Variants in GPT2 observed in about 807,000 individuals in gnomAD.
GPT2 encodes alanine aminotransferase 2.
Under a neutral mutation model 56.9 loss-of-function variants are expected in GPT2, and 30 were observed. That is an observed-to-expected ratio of 0.53 (90% confidence interval 0.39 to 0.72). The LOEUF (loss-of-function observed/expected upper bound fraction) is 0.72, where lower values mean the gene tolerates loss of function less well. GPT2 is among the 30% of genes least tolerant of loss of function. GPT2 has a pLI of 0.00. For missense variants in GPT2, 542 were observed against 703.4 expected, an observed-to-expected ratio of 0.77 and a Z score of 2.60; for synonymous variants, 271 against 283.1, an observed-to-expected ratio of 0.96 and a Z score of 0.43.
chr16:46,907,108 C>T, intron 5 of GPT2, 133 bp downstream of exon 5: 1 of 1,128,372 alleles, frequency 8.9e-7, no homozygotes, highest in Non-Finnish European at 1.3e-6. Flanking sequence ...GGTCCCCCAG[C>T]CCTGGCAGCC....
intron 9 of GPT2, 153 bp from the exon 10 acceptor site, chr16:46,924,236 C>G (rs767403400): frequency 1.3e-5 from 11 of 822,024 alleles, no homozygotes; most frequent in Non-Finnish European, 1.8e-5. Context: ...CAGAGCAAAT[C>G]TGAGTCAACG....
intron 2 of GPT2, among the ~76,000 whole-genome samples, chr16:46,892,554 C>T (rs992574850): frequency 6.6e-6 from 1 of 152,156 alleles, no homozygotes; most frequent in Non-Finnish European, 1.5e-5. Flanking sequence ...CCACCAGTGG[C>T]GTGCAGGGTT....
chr16:46,907,494 T>A (rs72812443), intron 5 of GPT2, among the ~76,000 whole-genome samples: 7,119 of 152,112 alleles, frequency 0.047, 242 homozygotes, highest in South Asian at 0.15. Flanking sequence ...GAAGGCCGAG[T>A]AGACACCGAC....
Position 46,922,373 on chromosome 16 carries a change from A to G in GPT2, c.1169A>G (p.Asn390Ser). The G allele has an allele frequency of 1.2e-6, 2 of 1,613,338 alleles. No individual in the cohort carries two copies. The highest frequency in any genetic ancestry group is 2.2e-5 in the South Asian group (2 of 91,008). Residue 390 changes from asparagine (N) to serine (S), a missense_variant, in exon 9 of 12, where the codon AAC (asparagine) becomes AGC (serine). Transcript: ENST00000340124. ...SGQAAMDIVVNPPVAGEESFE... is the reference protein window; with the variant it reads ...SGQAAMDIVVSPPVAGEESFE... Reference sequence around the variant, plus strand: ...CAGGCCGCCATGGACATTGTCGTGAACCCCCCGGTGGCAGGAGAGGAGTCC... The same window carrying G: ...CAGGCCGCCATGGACATTGTCGTGAGCCCCCCGGTGGCAGGAGAGGAGTCC...
chr16:46,922,675 G>A (rs1007505203), intron 9 of GPT2, among the ~76,000 whole-genome samples: 5 of 152,132 alleles, frequency 3.3e-5, no homozygotes, highest in African/African-American at 9.7e-5. Context: ...GGCGAGTGTC[G>A]AAGAGGGAAG....
intron 7 of GPT2, among the ~76,000 whole-genome samples, chr16:46,917,639 C>T (rs1468639293): frequency 2.0e-5 from 3 of 152,048 alleles, no homozygotes; most frequent in African/African-American, 7.2e-5. Flanking sequence ...GCCTTCATTT[C>T]TTTGCTCCTT....
chr16:46,906,704 C>A, intron 4 of GPT2, 138 bp from the exon 5 acceptor site: 1 of 1,138,614 alleles, frequency 8.8e-7, no homozygotes, highest in Non-Finnish European at 1.3e-6. Flanking sequence ...CCCACAGTTC[C>A]AAAGCAATGG....
At chr16:46,897,853 C>A in intron 3 of GPT2, 116 bp downstream of exon 3, 1 of 814,660 alleles carries the variant, frequency 1.2e-6, no homozygotes, top group African/African-American at 1.7e-5. Flanking sequence ...CTGATACCCT[C>A]TGGCTGTCTC....
chr16:46,902,992 T>C (rs1960848984), intron 4 of GPT2, among the ~76,000 whole-genome samples: 1 of 152,038 alleles, frequency 6.6e-6, no homozygotes, highest in Non-Finnish European at 1.5e-5. Flanking sequence ...CTCACACCTG[T>C]AATCCCAGTA....
chr16:46,928,857 T>C, intron 11 of GPT2, 50 bp from the exon 12 acceptor site: 1 of 1,402,042 alleles, frequency 7.1e-7, no homozygotes, highest in South Asian at 1.2e-5. Context: ...GATTCGTTCC[T>C]CTCCCATCTT....
chr16:46,887,330 T>C (rs1317821930), intron 2 of GPT2, among the ~76,000 whole-genome samples: 2 of 152,148 alleles, frequency 1.3e-5, no homozygotes, highest in Non-Finnish European at 2.9e-5. Flanking sequence ...TAGCCGGGCA[T>C]GGTGGTACAC....
chr16:46,915,089 T>A (rs1048535712), intron 6 of GPT2, among the ~76,000 whole-genome samples: 3 of 151,862 alleles, frequency 2.0e-5, no homozygotes, highest in Non-Finnish European at 4.4e-5. Flanking sequence ...GGATAATTTT[T>A]ATTGTAGAGT....
rs193053412 is a variant in GPT2 at position 46,889,774 on chromosome 16, G to A, written c.243+4816G>A. The stretch of plus-strand genomic sequence containing the variant: ...GATGTTAATGATAATGCTTTGAACA[G>A]CTGTGAAGCTAATTAGACCTGCCAA... On this transcript the variant is annotated intron_variant, in intron 2 of 11. Coordinates refer to ENST00000340124, the MANE Select transcript of GPT2 (RefSeq NM_133443.4). 4.5e-3 allele frequency among the ~76,000 whole-genome samples: 689 copies of A among 152,326 alleles called. 2 individuals carry two copies. The highest frequency in any genetic ancestry group is 7.7e-3 in the Non-Finnish European group (525 of 68,034).
rs1429920885 is a variant in GPT2, at chr16:46,899,002, T to C, written c.333+1265T>C. On this transcript the variant is annotated intron_variant, in intron 3 of 11. Transcript: ENST00000340124. ...TATATATATATATATAACACACATA[T>C]ATATATATATATATATATATATATA... 0.012 allele frequency among the ~76,000 whole-genome samples: 25 copies of C among 2,006 alleles called. 1 individual carries two copies. In the Admixed American group the frequency reaches 0.17, roughly 14 times the overall value. 1.3% of individuals were successfully genotyped at this position (2,006 alleles called of 152,430 possible). A position where few individuals can be genotyped will look rare whatever the true frequency, so the allele number is the denominator to read the frequency against.
Position 46,927,029 on chromosome 16 carries a change from C to T in GPT2, c.1473C>T (p.Tyr491=). Residue 491 remains tyrosine (Y), a synonymous_variant, in exon 11 of 12, where the codon TAC becomes TAT. Transcript: ENST00000340124. ...GSGFGQREGT[Y]HFRMTILPPV... ...GCTTTGGGCAGAGGGAAGGCACTTA[C>T]CACTTCAGGTATGACTTCCTCTCCG... 1 of 1,594,584 alleles carries T rather than the reference C, an allele frequency of 6.3e-7. No homozygotes were observed. The highest frequency in any genetic ancestry group is 2.2e-5 in the East Asian group (1 of 44,566).
chr16:46,915,992 G>A (rs1032172546), intron 6 of GPT2: 4 of 146,970 alleles, frequency 2.7e-5, no homozygotes, highest in Admixed American at 6.7e-5. Flanking sequence ...GAGTGTATGC[G>A]TGCACACACC....
intron 11 of GPT2, among the ~76,000 whole-genome samples, chr16:46,928,161 C>CA (rs922705836): frequency 9.9e-5 from 15 of 151,730 alleles, no homozygotes; most frequent in African/African-American, 2.4e-4. Flanking sequence ...CCTGTCTCTA[C>CA]AAAAAATTGT....
chr16:46,896,012 G>T (rs1264862986), intron 2 of GPT2, among the ~76,000 whole-genome samples: 1 of 152,200 alleles, frequency 6.6e-6, no homozygotes, highest in Non-Finnish European at 1.5e-5. Flanking sequence ...CAGGACAAAG[G>T]CCAGGCCCTC....
chr16:46,905,174 A>G (rs1369679163), intron 4 of GPT2, among the ~76,000 whole-genome samples: 1 of 151,286 alleles, frequency 6.6e-6, no homozygotes, highest in Non-Finnish European at 1.5e-5. Context: ...CTCCTTTCTC[A>G]GTCTCCTGAG....
Sources: allele counts gnomAD v4.1 joint callset (sites outside exome capture counted in the v4.1 genomes callset), GRCh38; gene constraint gnomAD v4.1.1; transcripts MANE v1.5; gene names NCBI Gene and HGNC (gene_info 2026-07-23, HGNC 2026-07-21).